Variants in MGAT4C observed in about 807,000 individuals in gnomAD.
The protein encoded by MGAT4C is alpha-1,3-mannosyl-glycoprotein 4-beta-N-acetylglucosaminyltransferase C.
In MGAT4C, 19 loss-of-function variants were observed where a neutral mutation model predicts 40.1. The ratio of observed to expected loss-of-function variants is 0.47; its 90% CI spans 0.33 to 0.70. The LOEUF is 0.70. MGAT4C is among the 30% of genes least tolerant of loss of function. The pLI is 0.02. For missense variants in MGAT4C, 491 were observed against 563.2 expected (o/e 0.87, Z 1.30); for synonymous variants, 181 against 187.1 (o/e 0.97, Z 0.27).
At chr12:86,497,385 A>G (rs1235236280) in intron 2 of MGAT4C, among the ~76,000 whole-genome samples, 2 of 151,996 alleles carry the variant, frequency 1.3e-5, no homozygotes, top group Non-Finnish European at 2.9e-5. Context: ...GCCTTTATCA[A>G]TATTTTACAG....
intron 2 of MGAT4C, among the ~76,000 whole-genome samples, chr12:86,469,211 C>T (rs1319501011): frequency 6.6e-6 from 1 of 152,012 alleles, no homozygotes; most frequent in Non-Finnish European, 1.5e-5. Flanking sequence ...TGTTAGGCAA[C>T]TTCTAGAGGG....
At chr12:86,389,277 T>C (rs1956120800) in intron 3 of MGAT4C, among the ~76,000 whole-genome samples, 1 of 152,188 alleles carries the variant, frequency 6.6e-6, no homozygotes, top group Non-Finnish European at 1.5e-5. Flanking sequence ...CTCACACTTA[T>C]AAGTGAGAAC....
intron 1 of MGAT4C, among the ~76,000 whole-genome samples, chr12:86,078,107 C>T (rs1870120142): frequency 6.6e-6 from 1 of 152,134 alleles, no homozygotes. Flanking sequence ...GCCACTTACA[C>T]CTCCACCCCT....
chr12:86,797,175 C>A (rs1952138636), intron 1 of MGAT4C, among the ~76,000 whole-genome samples: 1 of 151,778 alleles, frequency 6.6e-6, no homozygotes, highest in Non-Finnish European at 1.5e-5. Flanking sequence ...GTACTTTTAT[C>A]TCCTCTGTTC....
intron 1 of MGAT4C, among the ~76,000 whole-genome samples, chr12:86,117,268 C>T (rs866524707): frequency 7.9e-5 from 12 of 152,010 alleles, no homozygotes; most frequent in African/African-American, 2.7e-4. Flanking sequence ...AATTGCATGA[C>T]CTTGCTAATA....
At chr12:86,596,890 C>T (rs1398782413) in intron 2 of MGAT4C, among the ~76,000 whole-genome samples, 1 of 152,008 alleles carries the variant, frequency 6.6e-6, no homozygotes, top group African/African-American at 2.4e-5. Context: ...TTAGAGGCCC[C>T]AAAAAAGCTT....
At chr12:86,234,394 T>C (rs139368456) in intron 1 of MGAT4C, among the ~76,000 whole-genome samples, 49 of 152,326 alleles carry the variant, frequency 3.2e-4, no homozygotes, top group African/African-American at 1.1e-3. Context: ...TGGATATTTA[T>C]TGAAGAATGA....
intron 1 of MGAT4C, among the ~76,000 whole-genome samples, chr12:86,780,082 T>G (rs1362113067): frequency 6.6e-6 from 1 of 152,078 alleles, no homozygotes; most frequent in Non-Finnish European, 1.5e-5. Context: ...TAGACTTATA[T>G]TCAACCTCAA....
At chr12:86,109,408 G>C (rs987562990) in intron 1 of MGAT4C, among the ~76,000 whole-genome samples, 2 of 152,064 alleles carry the variant, frequency 1.3e-5, no homozygotes, top group East Asian at 1.9e-4. Flanking sequence ...TTTTCTTAAA[G>C]AGTTAATTAA....
intron 1 of MGAT4C, among the ~76,000 whole-genome samples, chr12:86,068,887 G>T (rs1440709773): frequency 6.6e-6 from 1 of 152,006 alleles, no homozygotes; most frequent in East Asian, 1.9e-4. Flanking sequence ...TCTTTGAAAG[G>T]GTGTGGCCTT....
At chr12:86,797,941 T>C (rs1207824303) in intron 1 of MGAT4C, among the ~76,000 whole-genome samples, 1 of 152,042 alleles carries the variant, frequency 6.6e-6, no homozygotes, top group Non-Finnish European at 1.5e-5. Context: ...CCTGAGTTGA[T>C]TTCCTAATCT....
At chr12:85,999,565 A>ATGTG (rs1290099806) in intron 2 of MGAT4C, among the ~76,000 whole-genome samples, 35 of 100,242 alleles carry the variant, frequency 3.5e-4, no homozygotes, top group African/African-American at 9.3e-4. Flanking sequence ...GGTAAAGAAA[A>ATGTG]TGTGTGTGTG....
At chr12:86,763,453 C>T (rs1274917100) in intron 1 of MGAT4C, among the ~76,000 whole-genome samples, 2 of 152,086 alleles carry the variant, frequency 1.3e-5, no homozygotes, top group South Asian at 2.1e-4. Context: ...ATGTGTTTCA[C>T]TGGATTTTAA....
At chr12:86,776,721 G>A (rs1198532972) in intron 1 of MGAT4C, among the ~76,000 whole-genome samples, 1 of 151,784 alleles carries the variant, frequency 6.6e-6, no homozygotes, top group Non-Finnish European at 1.5e-5. Flanking sequence ...CAAAATTATT[G>A]TGAGTAATAA....
chr12:86,838,892 G>C (rs1414991822), upstream of MGAT4C: 1 of 152,194 alleles, frequency 6.6e-6, no homozygotes, highest in Non-Finnish European at 1.5e-5. Context: ...TGTGTGCATA[G>C]AGCAGTGAAG....
At chr12:86,437,983 C>G (rs1957165998) in intron 2 of MGAT4C, among the ~76,000 whole-genome samples, 1 of 151,776 alleles carries the variant, frequency 6.6e-6, no homozygotes, top group African/African-American at 2.4e-5. Context: ...TCTAAGTGTT[C>G]AAGTGAAAGG....
chr12:86,774,323 C>CTTTCT (rs1555227795), intron 1 of MGAT4C, among the ~76,000 whole-genome samples: 2 of 97,046 alleles, frequency 2.1e-5, no homozygotes, highest in East Asian at 3.3e-4. Flanking sequence ...TTCTTTCTTT[C>CTTTCT]TTTCTTTCTT....
chr12:86,584,697 C>T (rs1360357724), intron 2 of MGAT4C, among the ~76,000 whole-genome samples: 1 of 151,286 alleles, frequency 6.6e-6, no homozygotes, highest in African/African-American at 2.4e-5. Context: ...TTTAAAGATG[C>T]TGCTAAACGA....
intron 1 of MGAT4C, among the ~76,000 whole-genome samples, chr12:86,073,238 C>T (rs1467994438): frequency 6.6e-6 from 1 of 152,162 alleles, no homozygotes; most frequent in Non-Finnish European, 1.5e-5. Context: ...TGCCTTTCAC[C>T]TTCTGCCACA....
Sources: gnomAD v4.1 joint callset for allele counts (sites outside exome capture counted in the v4.1 genomes callset) on GRCh38, gnomAD v4.1.1 for gene constraint, MANE v1.5 for transcripts, NCBI Gene and HGNC (gene_info 2026-07-23, HGNC 2026-07-21) for gene names.